Variants in RCAN1 observed in about 807,000 individuals in gnomAD.
RCAN1 encodes the protein regulator of calcineurin 1.
Under a neutral mutation model 22.9 loss-of-function variants are expected in RCAN1, and 11 were observed. The ratio of observed to expected loss-of-function variants is 0.48; its 90% confidence interval spans 0.30 to 0.79. The LOEUF (loss-of-function observed/expected upper bound fraction) is 0.79, where lower values mean the gene tolerates loss of function less well. RCAN1 is among the 30% of genes least tolerant of loss of function. The pLI is 0.06. For synonymous variants in RCAN1, 136 were observed against 142.3 expected, an observed-to-expected ratio of 0.96 and a Z score of 0.32; for missense variants, 291 against 337.8, an observed-to-expected ratio of 0.86 and a Z score of 1.09.
At chr21:34,559,240 G>A (rs1170754562) in intron 1 of RCAN1, 1 of 152,220 alleles carries the variant, frequency 6.6e-6, no homozygotes, top group Non-Finnish European at 1.5e-5. Context: ...ATTGAGTAGT[G>A]TTGGGAAGTT....
chr21:34,526,982 C>A, intron 1 of RCAN1: 1 of 1,331,846 alleles, frequency 7.5e-7, no homozygotes, highest in Non-Finnish European at 9.5e-7. Context: ...GTGTAAGTTT[C>A]TACTGGAAAG....
rs188381484 is a variant in RCAN1, at chr21:34,585,559, C to T, written c.252+29201G>A. 3.8e-3 allele frequency among the ~76,000 whole-genome samples: 584 copies of T among 151,988 alleles called. 1 individual carries two copies. The highest frequency in any genetic ancestry group is 0.013 in the African/African-American group (543 of 41,456). ...GAGATCAAGACCATCCTGGCTAACA[C>T]GGTGAAATCCCGTCTCCACTAAAAA... On this transcript the variant is annotated intron_variant, in intron 1 of 3. Transcript: ENST00000313806.
At chr21:34,575,769 C>T (rs1238379156) in intron 1 of RCAN1, among the ~76,000 whole-genome samples, 1 of 152,120 alleles carries the variant, frequency 6.6e-6, no homozygotes, top group Admixed American at 6.5e-5. Context: ...AGCAACGACA[C>T]GTGCAAAATG....
intron 1 of RCAN1, among the ~76,000 whole-genome samples, chr21:34,557,602 A>G (rs1986628848): frequency 6.6e-6 from 1 of 152,246 alleles, no homozygotes; most frequent in Admixed American, 6.5e-5. Flanking sequence ...ATTCAGTTAC[A>G]TTAGCAAGTA....
chr21:34,541,777 A>G (rs548098180), intron 1 of RCAN1, among the ~76,000 whole-genome samples: 8 of 152,278 alleles, frequency 5.3e-5, no homozygotes, highest in African/African-American at 1.4e-4. Flanking sequence ...TACTAAAAAC[A>G]CAAAAAACTA....
At chr21:34,526,686 TA>T in intron 1 of RCAN1, 1 of 1,613,488 alleles carries the variant, frequency 6.2e-7, no homozygotes, top group Non-Finnish European at 8.5e-7. Flanking sequence ...TCGCTGAAGA[TA>T]TCACTGTTTG....
intron 1 of RCAN1, among the ~76,000 whole-genome samples, chr21:34,534,035 A>G (rs904117828): frequency 6.6e-6 from 1 of 152,244 alleles, no homozygotes; most frequent in African/African-American, 2.4e-5. Context: ...TGTATTCTAC[A>G]GAAGTGGGAG....
At chr21:34,522,531 GGTCA>G (rs1019454283) in intron 2 of RCAN1, 5 of 152,226 alleles carry the variant, frequency 3.3e-5, no homozygotes, top group African/African-American at 1.2e-4. Context: ...AGGGCAAAAA[GGTCA>G]GGGGTGGGGC....
intron 1 of RCAN1, among the ~76,000 whole-genome samples, chr21:34,556,170 T>C (rs1986565358): frequency 6.7e-6 from 1 of 148,350 alleles, no homozygotes; most frequent in African/African-American, 2.5e-5. Context: ...ATGTCTGTAA[T>C]CTCAGCACTT....
chr21:34,564,503 G>A (rs778202452), intron 1 of RCAN1, among the ~76,000 whole-genome samples: 2 of 152,116 alleles, frequency 1.3e-5, no homozygotes, highest in Non-Finnish European at 2.9e-5. Flanking sequence ...AAAGGAGACT[G>A]GGGAAAGGAG....
chr21:34,580,687 T>C (rs753337624), intron 1 of RCAN1, among the ~76,000 whole-genome samples: 11 of 152,146 alleles, frequency 7.2e-5, no homozygotes, highest in Non-Finnish European at 1.6e-4. Flanking sequence ...CCCGGATGCT[T>C]TCTCTACAGT....
intron 1 of RCAN1, among the ~76,000 whole-genome samples, chr21:34,608,416 G>A (rs1988596159): frequency 6.6e-6 from 1 of 152,174 alleles, no homozygotes; most frequent in Non-Finnish European, 1.5e-5. Flanking sequence ...GGATATCACT[G>A]AGATTAGGCT....
intron 1 of RCAN1, among the ~76,000 whole-genome samples, chr21:34,539,398 C>A (rs59440107): frequency 0.24 from 36,402 of 151,914 alleles, 5,055 homozygotes; most frequent in African/African-American, 0.38. Flanking sequence ...GGAGAAAAAA[C>A]CAGGTTACAA....
At chr21:34,520,374 G>A (rs1361905527) in intron 3 of RCAN1, among the ~76,000 whole-genome samples, 2 of 152,138 alleles carry the variant, frequency 1.3e-5, no homozygotes, top group African/African-American at 4.8e-5. Context: ...ATGCCCCCGG[G>A]CCAGGAGCTG....
At chr21:34,533,059 C>T (rs907068263) in intron 1 of RCAN1, among the ~76,000 whole-genome samples, 1 of 150,654 alleles carries the variant, frequency 6.6e-6, no homozygotes, top group Non-Finnish European at 1.5e-5. Context: ...CTCCCGGGTT[C>T]ACGCCATTCT....
chr21:34,554,231 GA>G (rs1245842443), intron 1 of RCAN1, among the ~76,000 whole-genome samples: 1 of 152,114 alleles, frequency 6.6e-6, no homozygotes, highest in Non-Finnish European at 1.5e-5. Flanking sequence ...TGTTTCTATG[GA>G]AAAAATGTAA....
At chr21:34,589,947 C>T (rs549287129) in intron 1 of RCAN1, among the ~76,000 whole-genome samples, 68 of 151,004 alleles carry the variant, frequency 4.5e-4, no homozygotes, top group African/African-American at 1.0e-3. Context: ...ACACATCTAC[C>T]GCTATGTCTA....
At chr21:34,527,799 A>G in intron 1 of RCAN1, among the ~76,000 whole-genome samples, 1 of 151,756 alleles carries the variant, frequency 6.6e-6, no homozygotes, top group Non-Finnish European at 1.5e-5. Flanking sequence ...CCAATAATGG[A>G]ACACTAGGCA....
At chr21:34,608,205 C>T (rs1332055806) in intron 1 of RCAN1, among the ~76,000 whole-genome samples, 1 of 152,178 alleles carries the variant, frequency 6.6e-6, no homozygotes, top group African/African-American at 2.4e-5. Flanking sequence ...GAAACTAGCT[C>T]CCTGCCCCCT....
Sources: allele counts gnomAD v4.1 joint callset (sites outside exome capture counted in the v4.1 genomes callset), GRCh38; gene constraint gnomAD v4.1.1; transcripts MANE v1.5; gene names NCBI Gene and HGNC (gene_info 2026-07-23, HGNC 2026-07-21).